Variants in IL21R observed in about 807,000 individuals in gnomAD.
IL21R encodes the protein interleukin-21 receptor.
IL21R carries 14 observed loss-of-function variants against 41.3 expected under a neutral mutation model. That is an observed-to-expected ratio of 0.34 (90% CI 0.22 to 0.53). The LOEUF (loss-of-function observed/expected upper bound fraction) is 0.53, where lower values mean the gene tolerates loss of function less well. IL21R is among the 20% of genes least tolerant of loss of function. IL21R has a pLI of 0.94. For missense variants in IL21R, 588 were observed against 681.6 expected (o/e 0.86, Z 1.53); for synonymous variants, 286 against 287.6 (o/e 0.99, Z 0.05).
In IL21R at chr16:27,445,941, G is replaced by A. The variant is rs552287359; in HGVS notation, c.786-66G>A. ...CTCCTGTAGGATGAAGCTGGGGAGC[G>A]TCCGAATGGGAGGCCAGGCTGCCCT... On this transcript the variant is annotated intron_variant, in intron 7 of 8. Transcript: ENST00000337929. The A allele has an allele frequency of 1.3e-4, 164 of 1,285,232 alleles. No individual in the cohort carries two copies. The East Asian group carries it at 3.3e-3, about 26-fold the overall frequency. The allele number at this position is 1,285,232 out of a possible 1,614,324, so 79.6% of individuals were successfully genotyped here. A position where few individuals can be genotyped will look rare whatever the true frequency, so the allele number is the denominator to read the frequency against.
intron 1 of IL21R, among the ~76,000 whole-genome samples, chr16:27,424,851 A>G (rs9921668): frequency 0.36 from 54,848 of 152,082 alleles, 10,313 homozygotes; most frequent in East Asian, 0.53. Context: ...GTACAAGCAT[A>G]CTGCCAGCAT....
At chr16:27,420,985 T>C (rs530070259) in intron 1 of IL21R, among the ~76,000 whole-genome samples, 1 of 152,362 alleles carries the variant, frequency 6.6e-6, no homozygotes, top group Non-Finnish European at 1.5e-5. Context: ...AATTTTTGTA[T>C]ACGGTGTGAA....
At chr16:27,444,783 C>T (rs1184149953) in intron 6 of IL21R, 64 bp downstream of exon 6, 1 of 1,412,994 alleles carries the variant, frequency 7.1e-7, no homozygotes, top group Non-Finnish European at 9.4e-7. Context: ...TTCTAGCCAC[C>T]CTAAGCCCTG....
intron 5 of IL21R, 93 bp from the exon 6 acceptor site, chr16:27,444,449 T>C (rs1433992201): frequency 2.3e-6 from 2 of 858,004 alleles, no homozygotes; most frequent in Non-Finnish European, 3.3e-6. Context: ...CTCAGCCCCT[T>C]TGATGGAAGC....
intron 1 of IL21R, among the ~76,000 whole-genome samples, chr16:27,418,341 T>G (rs2086933625): frequency 6.6e-6 from 1 of 151,778 alleles, no homozygotes; most frequent in Non-Finnish European, 1.5e-5. Context: ...GCGCTGGGAT[T>G]ACAGGCGTAA....
intron 1 of IL21R, among the ~76,000 whole-genome samples, chr16:27,426,803 A>C (rs2141279489): frequency 6.6e-6 from 1 of 152,344 alleles, no homozygotes; most frequent in Non-Finnish European, 1.5e-5. Context: ...CTGGCTTCAA[A>C]TTCTGAGCCC....
rs1419937128 is a variant in IL21R, at chr16:27,438,686, G to A, written c.352+999G>A. ...TGTTCGAGACCAGCCTGGGCAACATGGTGAAACCCCATCTCTACTAAAAAT... is the reference window on the plus strand; with the variant it reads ...TGTTCGAGACCAGCCTGGGCAACATAGTGAAACCCCATCTCTACTAAAAAT... On this transcript the variant is annotated intron_variant, in intron 4 of 8. Coordinates refer to ENST00000337929, the MANE Select transcript of IL21R (RefSeq NM_181078.3). Among the ~76,000 whole-genome samples, 3 of 152,096 alleles carry A rather than the reference G, an allele frequency of 2.0e-5. No individual in the cohort carries two copies. In the East Asian group the frequency reaches 5.8e-4, roughly 29 times the overall value.
In IL21R at chr16:27,448,892, A is replaced by C. The variant is rs771043125; in HGVS notation, c.1226A>C (p.Glu409Ala). Residue 409 changes from glutamate to alanine, a missense_variant, in exon 9 of 9, where the codon GAG becomes GCG. Physicochemically the swap from Glu to Ala is moderately radical, Grantham distance 107. Transcript: ENST00000337929. ...GCCCTGGACCTGGATGCTGGCCTGG[A>C]GCCCAGCCCAGGCCTAGAGGACCCA... ...YPALDLDAGLEPSPGLEDPLL... is the reference protein window; with the variant it reads ...YPALDLDAGLAPSPGLEDPLL... The C allele has an allele frequency of 6.2e-5, 100 of 1,611,950 alleles. No homozygotes were observed. Among genetic ancestry groups the C allele is most frequent in the Non-Finnish European group, 8.3e-5 (98 of 1,179,310 alleles).
At chr16:27,403,362 G>T in intron 1 of IL21R, 1 of 750,722 alleles carries the variant, frequency 1.3e-6, no homozygotes, top group Non-Finnish European at 1.9e-6. Flanking sequence ...ACTTGCCGCA[G>T]GAATGACGTC....
At chr16:27,403,749 C>G (rs995382168) in intron 1 of IL21R, among the ~76,000 whole-genome samples, 2 of 152,110 alleles carry the variant, frequency 1.3e-5, no homozygotes, top group African/African-American at 4.8e-5. Context: ...GAGACGGGCC[C>G]GACTCCAAGA....
At position 27,448,952 on chromosome 16, in the gene IL21R, G is replaced by C. The variant is rs764788674; in HGVS notation, c.1286G>C (p.Gly429Ala). 13 of 1,613,142 alleles carry C rather than the reference G, an allele frequency of 8.1e-6. No individual in the cohort carries two copies. In the South Asian group the frequency reaches 1.1e-4, roughly 14 times the overall value. Reference protein sequence around the residue: ...LDAGTTVLSCGCVSAGSPGLG... With the variant: ...LDAGTTVLSCACVSAGSPGLG... ...GCAGGGACCACAGTCCTGTCCTGTG[G>C]CTGTGTCTCAGCTGGCAGCCCTGGG... Residue 429 changes from glycine (G) to alanine (A), a missense_variant, in exon 9 of 9, where the codon GGC becomes GCC. Coordinates refer to ENST00000337929, the MANE Select transcript of IL21R (RefSeq NM_181078.3).
At chr16:27,405,493 A>G (rs1010244640) in intron 1 of IL21R, among the ~76,000 whole-genome samples, 3 of 152,232 alleles carry the variant, frequency 2.0e-5, no homozygotes, top group Non-Finnish European at 4.4e-5. Context: ...GGGGAAACTG[A>G]AGTTCAGAGC....
At chr16:27,415,792 T>A (rs747772376) in intron 1 of IL21R, among the ~76,000 whole-genome samples, 18 of 152,206 alleles carry the variant, frequency 1.2e-4, no homozygotes, top group Non-Finnish European at 2.4e-4. Context: ...GTTAATAATG[T>A]AAAAAAGCCT....
At chr16:27,427,989 A>G (rs2087106377) in intron 1 of IL21R, among the ~76,000 whole-genome samples, 1 of 152,268 alleles carries the variant, frequency 6.6e-6, no homozygotes, top group African/African-American at 2.4e-5. Context: ...ATATTAAAAT[A>G]TGTATTAAAA....
intron 1 of IL21R, among the ~76,000 whole-genome samples, chr16:27,414,966 G>A (rs1356613925): frequency 6.6e-6 from 1 of 152,110 alleles, no homozygotes; most frequent in African/African-American, 2.4e-5. Context: ...CCCTATCATT[G>A]CAACATGAAT....
rs145409668 is a variant in IL21R, at chr16:27,439,361, T to TAC, written c.352+1695_352+1696dup. Among the ~76,000 whole-genome samples, 237 of 139,242 alleles carry TAC rather than the reference T, an allele frequency of 1.7e-3. 1 individual carries two copies. Among genetic ancestry groups the TAC allele is most frequent in the East Asian group, 4.6e-3 (23 of 4,972 alleles). The allele number at this position is 139,242 out of a possible 152,430, so 91.3% of individuals were successfully genotyped here. A position where few individuals can be genotyped will look rare whatever the true frequency, so the allele number is the denominator to read the frequency against. On this transcript the variant is annotated intron_variant, in intron 4 of 8. Coordinates refer to ENST00000337929, the MANE Select transcript of IL21R (RefSeq NM_181078.3). ...ACTCTCATACACACTCACACATACA[T>TAC]ACACACACACACACACACACACGTA...
At chr16:27,416,153 C>G (rs1227973176) in intron 1 of IL21R, among the ~76,000 whole-genome samples, 1 of 152,040 alleles carries the variant, frequency 6.6e-6, no homozygotes, top group Non-Finnish European at 1.5e-5. Flanking sequence ...GATACAGAGT[C>G]TCACTTTCTC....
At chr16:27,437,438 T>C (rs901641841) in intron 3 of IL21R, 50 bp from the exon 4 acceptor site, 3 of 1,478,116 alleles carry the variant, frequency 2.0e-6, no homozygotes, top group Middle Eastern at 2.3e-4. Flanking sequence ...CCCACCACCA[T>C]CCCCCCTGCC....
At chr16:27,440,248 T>TATAGAGAGAGAGAG (rs1352160946) in intron 4 of IL21R, among the ~76,000 whole-genome samples, 49 of 64,030 alleles carry the variant, frequency 7.7e-4, no homozygotes, top group Middle Eastern at 0.01. Flanking sequence ...TATATATATA[T>TATAGAGAGAGAGAG]AGAGAGAGAG....
Sources: allele counts gnomAD v4.1 joint callset (sites outside exome capture counted in the v4.1 genomes callset), GRCh38; gene constraint gnomAD v4.1.1; transcripts MANE v1.5; gene names NCBI Gene and HGNC (gene_info 2026-07-23, HGNC 2026-07-21).